The following SEC31B variants were observed in gnomAD, a reference collection of about 807,000 sequenced individuals.
SEC31B encodes SEC31 homolog B, COPII component.
SEC31B carries 113 observed loss-of-function variants against 135.0 expected under a neutral mutation model. The ratio of observed to expected loss-of-function variants is 0.84; its 90% CI spans 0.72 to 0.98. The LOEUF (loss-of-function observed/expected upper bound fraction) is 0.98. Among genes scored for constraint, SEC31B ranks in the 50% least tolerant of loss-of-function variants. SEC31B has a pLI of 0.00. For missense variants in SEC31B, 1,296 were observed against 1,421.1 expected (o/e 0.91, Z 1.42); for synonymous variants, 508 against 549.4 (o/e 0.92, Z 1.05).
chr10:100,492,426 T>C (rs1851318000), intron 19 of SEC31B, among the ~76,000 whole-genome samples: 1 of 152,174 alleles, frequency 6.6e-6, no homozygotes, highest in Non-Finnish European at 1.5e-5. Flanking sequence ...TCTCACCATG[T>C]TGGCCAGGCT....
chr10:100,506,090 A>C lies in SEC31B; in HGVS notation c.994T>G (p.Ser332Ala), dbSNP rs2295774. The C allele has an allele frequency of 0.21, 337,512 of 1,614,028 alleles. 36,687 individuals are homozygous for C. Among genetic ancestry groups the C allele is most frequent in the South Asian group, 0.23 (20,729 of 91,078 alleles). ...ACTTCCCAGCTCCTACCCATCACAG[A>C]GTACAAACTGATCCAGCCGTTGAAG... Reference protein sequence around the residue: ...ASFNGWISLYSVMGRSWEVQH... With the variant: ...ASFNGWISLYAVMGRSWEVQH... Residue 332 changes from serine (S) to alanine (A), a missense_variant, in exon 9 of 26, where the codon TCT becomes GCT. Coordinates refer to ENST00000370345, the MANE Select transcript of SEC31B (RefSeq NM_015490.4).
At chr10:100,491,234 T>C (rs1851295119) in intron 19 of SEC31B, among the ~76,000 whole-genome samples, 1 of 152,132 alleles carries the variant, frequency 6.6e-6, no homozygotes. Context: ...ATCTGGATAG[T>C]CCTATAACCA....
intron 7 of SEC31B, 86 bp from the exon 8 acceptor site, chr10:100,506,506 G>T: frequency 2.7e-6 from 3 of 1,107,044 alleles, no homozygotes; most frequent in Non-Finnish European, 4.1e-6. Context: ...ACATTTTATA[G>T]GGCATATCAG....
chr10:100,495,366 T>C lies in SEC31B; in HGVS notation c.2472+19A>G. 6.2e-7 allele frequency: 1 copy of C among 1,608,030 alleles called. No individual in the cohort carries two copies. On this transcript the variant is annotated intron_variant, in intron 19 of 25. Coordinates refer to ENST00000370345, the MANE Select transcript of SEC31B (RefSeq NM_015490.4). ...ACGTATTATTGAATGAACAAATGAA[T>C]GAACAAACGAGGTCTTACCTGGTGA... is the stretch of plus-strand genomic sequence containing the variant.
At position 100,502,403 on chromosome 10, in the gene SEC31B, T is replaced by C. The variant is rs767844661; in HGVS notation, c.1261A>G (p.Ile421Val). Residue 421 changes from isoleucine to valine, a missense_variant, in exon 11 of 26, where the codon ATC (isoleucine) becomes GTC (valine). Transcript: ENST00000370345. ...TCAGATTCTGTGGTGACTTGACTGA[T>C]GAAGACTAGGCGGGGGCAAGGCTGT... ...VPQPCPRLVF[I>V]SQVTTESEFL... 1 of 1,614,178 alleles carries C rather than the reference T, an allele frequency of 6.2e-7. No individual in the cohort carries two copies. Among genetic ancestry groups the C allele is most frequent in the Non-Finnish European group, 8.5e-7 (1 of 1,180,038 alleles).
chr10:100,498,652 G>T, intron 14 of SEC31B, 53 bp downstream of exon 14: 1 of 1,362,582 alleles, frequency 7.3e-7, no homozygotes, highest in Non-Finnish European at 1.0e-6. Context: ...CAAAACCTCC[G>T]TGCCCACCTA....
chr10:100,509,023 A>C lies in SEC31B; in HGVS notation c.479T>G (p.Leu160Arg). ...DLNNLNVPMT[L>R]GSKSQQPPED... ...GCTGCTCACCTGTGACTTGGATCCC[A>C]GGGTCATTGGCACATTCAAGTTATT... Residue 160 changes from leucine to arginine, a missense_variant, in exon 5 of 26, where the codon CTG becomes CGG. Transcript: ENST00000370345. The C allele has an allele frequency of 6.2e-7, 1 of 1,614,046 alleles. No homozygotes were observed. The highest frequency in any genetic ancestry group is 8.5e-7 in the Non-Finnish European group (1 of 1,179,900).
chr10:100,508,826 C>A, intron 5 of SEC31B, 181 bp downstream of exon 5: 1 of 609,542 alleles, frequency 1.6e-6, no homozygotes. Context: ...CATATACACC[C>A]TCCACCCACC....
intron 1 of SEC31B, among the ~76,000 whole-genome samples, chr10:100,518,807 A>C (rs959954375): frequency 6.6e-6 from 1 of 152,252 alleles, no homozygotes; most frequent in African/African-American, 2.4e-5. Context: ...GGTACTTTCT[A>C]GCGTGAAGAA....
At position 100,497,292 on chromosome 10, in the gene SEC31B, G is replaced by A; in HGVS notation, c.1991-12C>T. 2 of 1,611,230 alleles carry A rather than the reference G, an allele frequency of 1.2e-6. No individual in the cohort carries two copies. Among genetic ancestry groups the A allele is most frequent in the Non-Finnish European group, 8.5e-7 (1 of 1,177,612 alleles). On this transcript the variant is annotated splice_polypyrimidine_tract_variant and intron_variant, in intron 16 of 25. Transcript: ENST00000370345. Reference sequence around the variant, plus strand: ...AGTTCCCAGCATGTCTGCAGAGAGAGGGTAATTTCATTAATGGCACAGCTG... The same window carrying A: ...AGTTCCCAGCATGTCTGCAGAGAGAAGGTAATTTCATTAATGGCACAGCTG...
At chr10:100,513,695 C>T (rs1177587790) in intron 3 of SEC31B, among the ~76,000 whole-genome samples, 1 of 151,786 alleles carries the variant, frequency 6.6e-6, no homozygotes, top group Non-Finnish European at 1.5e-5. Context: ...GTCTTGAACT[C>T]CTGGCCTCAA....
At chr10:100,516,737 C>T (rs1029825639) in intron 2 of SEC31B, 137 bp downstream of exon 2, 4 of 634,668 alleles carry the variant, frequency 6.3e-6, no homozygotes, top group African/African-American at 5.5e-5. Flanking sequence ...CCTAATATCT[C>T]CTTGCTTATG....
At position 100,508,031 on chromosome 10, in the gene SEC31B, C is replaced by T. The variant is rs1484148736; in HGVS notation, c.516G>A (p.Lys172=). Residue 172 remains lysine (K), a synonymous_variant, in exon 6 of 26, where the codon AAG becomes AAA. Coordinates refer to ENST00000370345, the MANE Select transcript of SEC31B (RefSeq NM_015490.4). ...GGGCTTGCCGGTTCCAAGACAGTGC[C>T]TTGATGTCCTCTGGAGGCTGCTAAG... ...SKSQQPPEDI[K]ALSWNRQAQH... 2 of 1,614,224 alleles carry T rather than the reference C, an allele frequency of 1.2e-6. No homozygotes were observed. Among genetic ancestry groups the T allele is most frequent in the African/African-American group, 1.3e-5 (1 of 75,048 alleles).
chr10:100,509,210 G>C, intron 4 of SEC31B, 106 bp downstream of exon 4: 2 of 1,485,884 alleles, frequency 1.3e-6, no homozygotes, highest in Non-Finnish European at 1.9e-6. Context: ...CCCTGAAACA[G>C]CCTGGAAAGG....
rs1851254887 is a variant in SEC31B, at chr10:100,489,369, T to G, written c.3054A>C (p.Pro1018=). 1 of 1,613,712 alleles carries G rather than the reference T, an allele frequency of 6.2e-7. No individual in the cohort carries two copies. Among genetic ancestry groups the G allele is most frequent in the African/African-American group, 1.3e-5 (1 of 74,880 alleles). The change falls in exon 23 of 26, where the codon CCA becomes CCC. Residue 1018 remains proline (P), a synonymous_variant. Coordinates refer to ENST00000370345, the MANE Select transcript of SEC31B (RefSeq NM_015490.4). ...TGAGGCTCATAACTGGAGCAGTAAT[T>G]GGTGCTGGGGGCATAAATGTCTCTG... ...KLPETFMPPA[P]ITAPVMSLTP...
chr10:100,508,979 A>T lies in SEC31B; in HGVS notation c.495+28T>A, dbSNP rs200501511. 569 of 1,553,166 alleles carry T rather than the reference A, an allele frequency of 3.7e-4. 3 individuals carry two copies. The African/African-American group carries it at 6.2e-3, about 17-fold the overall frequency. On this transcript the variant is annotated intron_variant, in intron 5 of 25. Coordinates refer to ENST00000370345, the MANE Select transcript of SEC31B (RefSeq NM_015490.4). ...CTTAGGAGAATCAGCTGCACACTCCAGGGTTGGGTAGTGGGGGTGCTGCTC... is the reference window on the plus strand; with the variant it reads ...CTTAGGAGAATCAGCTGCACACTCCTGGGTTGGGTAGTGGGGGTGCTGCTC...
chr10:100,487,217 G>C lies in SEC31B; in HGVS notation c.*399C>G. 4.9e-6 allele frequency: 1 copy of C among 205,162 alleles called. No homozygotes were observed. The highest frequency in any genetic ancestry group is 9.9e-6 in the Non-Finnish European group (1 of 101,252). The allele number at this position is 205,162 out of a possible 1,614,324, so 12.7% of individuals were successfully genotyped here. ...AGGGCAGGCTCATAAACCACAGAAG[G>C]GAGAAACAAAAGACCCACATGATGG... On this transcript the variant is annotated 3_prime_UTR_variant, in exon 26 of 26. Coordinates refer to ENST00000370345, the MANE Select transcript of SEC31B (RefSeq NM_015490.4).
intron 14 of SEC31B, chr10:100,498,479 G>A: frequency 1.7e-6 from 1 of 602,078 alleles, no homozygotes; most frequent in East Asian, 2.8e-5. Flanking sequence ...CTTTCAGCAA[G>A]AAGGATAGAA....
At chr10:100,502,620 G>A in intron 10 of SEC31B, 136 bp from the exon 11 acceptor site, 1 of 629,050 alleles carries the variant, frequency 1.6e-6, no homozygotes, top group Non-Finnish European at 2.7e-6. Context: ...TTCCTGGGGG[G>A]TGGAATAGGA....
Sources: gnomAD v4.1 joint callset for allele counts (sites outside exome capture counted in the v4.1 genomes callset) on GRCh38, gnomAD v4.1.1 for gene constraint, MANE v1.5 for transcripts, NCBI Gene and HGNC (gene_info 2026-07-23, HGNC 2026-07-21) for gene names.